The following TFAP4 variants were observed in gnomAD, a reference collection of about 807,000 sequenced individuals.
TFAP4 encodes the protein transcription factor AP-4.
TFAP4 carries 7 observed loss-of-function variants against 40.4 expected under a neutral mutation model. That is an observed-to-expected ratio of 0.17 (90% confidence interval 0.10 to 0.33). The LOEUF is 0.33. TFAP4 is among the 10% of genes least tolerant of loss of function. TFAP4 has a pLI of 1.00. For missense variants in TFAP4, 374 were observed against 451.1 expected, an observed-to-expected ratio of 0.83 and a Z score of 1.55; for synonymous variants, 218 against 181.4, an observed-to-expected ratio of 1.20 and a Z score of -1.62.
Position 4,258,051 on chromosome 16 carries a change from G to T in TFAP4, c.*4C>A, listed in dbSNP as rs777452608. On this transcript the variant is annotated 3_prime_UTR_variant, in exon 7 of 7. Transcript: ENST00000204517. ...CAGAAGGGAGAGGAGGGCTGGGGGG[G>T]TAGTCAGGGAAGCTCCCCGTCCCCC... 1.2e-6 allele frequency: 2 copies of T among 1,609,196 alleles called. No homozygotes were observed. Among genetic ancestry groups the T allele is most frequent in the African/African-American group, 1.3e-5 (1 of 74,842 alleles).
intron 1 of TFAP4, among the ~76,000 whole-genome samples, chr16:4,267,564 T>G (rs1214029997): frequency 2.0e-5 from 3 of 152,220 alleles, no homozygotes; most frequent in Non-Finnish European, 4.4e-5. Flanking sequence ...GGCATGCCCT[T>G]CAAGTCTAGA....
Position 4,260,441 on chromosome 16 carries a change from C to T in TFAP4, c.666+14G>A, listed in dbSNP as rs367575118. The T allele has an allele frequency of 8.0e-5, 125 of 1,565,566 alleles. No individual in the cohort carries two copies. The highest frequency in any genetic ancestry group is 1.0e-4 in the Non-Finnish European group (117 of 1,156,566). ...CCGGTCCCCAGAGCCCACTCCCGGG[C>T]GCCTCCTGCTCACCTGGGTCCGCAG... On this transcript the variant is annotated intron_variant, in intron 5 of 6. Coordinates refer to ENST00000204517, the MANE Select transcript of TFAP4 (RefSeq NM_003223.3).
chr16:4,264,553 C>G (rs1437684096), intron 1 of TFAP4: 1 of 152,290 alleles, frequency 6.6e-6, no homozygotes, highest in African/African-American at 2.4e-5. Flanking sequence ...GCCCGGGCCC[C>G]CCACTTTCCA....
In TFAP4 at chr16:4,257,731, T is replaced by C. The variant is rs2052907719; in HGVS notation, c.*324A>G. On this transcript the variant is annotated 3_prime_UTR_variant, in exon 7 of 7. Transcript: ENST00000204517. ...GGGTTTTGTTTAATTTTCCCTGTTC[T>C]TAAAAAACATATTTAAAGGAAAAAA... The C allele has an allele frequency of 4.0e-6, 1 of 249,304 alleles. No individual in the cohort carries two copies. The highest frequency in any genetic ancestry group is 7.7e-6 in the Non-Finnish European group (1 of 129,720). 15.4% of individuals were successfully genotyped at this position (249,304 alleles called of 1,614,324 possible). A position where few individuals can be genotyped will look rare whatever the true frequency, so the allele number is the denominator to read the frequency against.
intron 2 of TFAP4, 43 bp from the exon 3 acceptor site, chr16:4,262,465 C>G: frequency 6.2e-7 from 1 of 1,613,844 alleles, no homozygotes; most frequent in East Asian, 2.2e-5. Flanking sequence ...GCAGTGTTTA[C>G]CAGAGCTCAC....
intron 1 of TFAP4, chr16:4,266,347 T>A (rs2052995300): frequency 6.6e-6 from 1 of 152,138 alleles, no homozygotes; most frequent in Non-Finnish European, 1.5e-5. Context: ...AGTGCTTAAC[T>A]TAGGTTAAGC....
Position 4,257,756 on chromosome 16 carries a change from A to C in TFAP4, c.*299T>G, listed in dbSNP as rs1199732164. The C allele has an allele frequency of 1.6e-5, 5 of 308,950 alleles. No individual in the cohort carries two copies. Among genetic ancestry groups the C allele is most frequent in the Non-Finnish European group, 2.4e-5 (4 of 168,630 alleles). 19.1% of individuals were successfully genotyped at this position (308,950 alleles called of 1,614,324 possible). ...TTAAAAAACATATTTAAAGGAAAAA[A>C]TGCTTTTTGGCAGAGAGAGGCCAGG... On this transcript the variant is annotated 3_prime_UTR_variant, in exon 7 of 7. Coordinates refer to ENST00000204517, the MANE Select transcript of TFAP4 (RefSeq NM_003223.3).
At position 4,257,802 on chromosome 16, in the gene TFAP4, C is replaced by A; in HGVS notation, c.*253G>T. The A allele has an allele frequency of 2.5e-6, 1 of 406,346 alleles. No individual in the cohort carries two copies. The highest frequency in any genetic ancestry group is 4.4e-6 in the Non-Finnish European group (1 of 228,146). The allele number at this position is 406,346 out of a possible 1,614,324, so 25.2% of individuals were successfully genotyped here. On this transcript the variant is annotated 3_prime_UTR_variant, in exon 7 of 7. Transcript: ENST00000204517. ...CCAGGCATCTCCGTGTCAGCTTCCT[C>A]CAGCCCCCGGGGCCGAGGCCCCGCC...
chr16:4,262,574 T>C lies in TFAP4; in HGVS notation c.217A>G (p.Thr73Ala). 1 of 1,612,416 alleles carries C rather than the reference T, an allele frequency of 6.2e-7. No individual in the cohort carries two copies. The highest frequency in any genetic ancestry group is 8.5e-7 in the Non-Finnish European group (1 of 1,180,002). Reference sequence around the variant, plus strand: ...TCTCCGTCTGTGTGGGGGATGAGGGTCTTGAGGGACTGGAATCCCGCGTTG... The same window carrying C: ...TCTCCGTCTGTGTGGGGGATGAGGGCCTTGAGGGACTGGAATCCCGCGTTG... ...SINAGFQSLK[T>A]LIPHTDGEKL... Residue 73 changes from threonine to alanine, a missense_variant, in exon 2 of 7, where the codon ACC becomes GCC. Thr to Ala is a moderately conservative substitution (Grantham distance 58, BLOSUM62 0). Transcript: ENST00000204517.
Position 4,261,769 on chromosome 16 carries a change from G to A in TFAP4, c.525+10C>T, listed in dbSNP as rs1197792279. The A allele has an allele frequency of 2.5e-6, 4 of 1,594,828 alleles. No individual in the cohort carries two copies. Among genetic ancestry groups the A allele is most frequent in the Admixed American group, 1.7e-5 (1 of 57,644 alleles). On this transcript the variant is annotated intron_variant, in intron 4 of 6. Coordinates refer to ENST00000204517, the MANE Select transcript of TFAP4 (RefSeq NM_003223.3). ...CCGCGCGCCGTGCCCAGCAGAGGGC[G>A]CTGCCTCACCTGCTCCTCCAGCATC...
At chr16:4,260,701 G>A (rs2052940321) in intron 4 of TFAP4, 106 bp from the exon 5 acceptor site, 5 of 1,358,330 alleles carry the variant, frequency 3.7e-6, no homozygotes, top group South Asian at 3.1e-5. Context: ...AGCACAGGGC[G>A]GGCCCCTCTC....
intron 1 of TFAP4, among the ~76,000 whole-genome samples, chr16:4,269,231 C>T (rs1474630677): frequency 6.6e-6 from 1 of 151,730 alleles, no homozygotes; most frequent in African/African-American, 2.4e-5. Context: ...CGGTGGCTCA[C>T]GCCTGTAATC....
At chr16:4,259,949 C>T (rs369282258) in intron 6 of TFAP4, 141 bp downstream of exon 6, 1 of 1,151,258 alleles carries the variant, frequency 8.7e-7, no homozygotes, top group Non-Finnish European at 1.2e-6. Flanking sequence ...GGGACGGGGC[C>T]CCCCAAGGCT....
intron 1 of TFAP4, among the ~76,000 whole-genome samples, chr16:4,267,744 G>A (rs1197741554): frequency 6.6e-6 from 1 of 152,200 alleles, no homozygotes; most frequent in African/African-American, 2.4e-5. Context: ...CACAGTCAAC[G>A]TGGGAAAGTC....
intron 3 of TFAP4, 108 bp downstream of exon 3, chr16:4,262,216 T>C: frequency 7.7e-7 from 1 of 1,304,558 alleles, no homozygotes; most frequent in Non-Finnish European, 1.1e-6. Context: ...TGGAAGTACT[T>C]GTCAGTGGGC....
chr16:4,271,061 C>T (rs1408443789), intron 1 of TFAP4, among the ~76,000 whole-genome samples: 1 of 152,222 alleles, frequency 6.6e-6, no homozygotes, highest in Non-Finnish European at 1.5e-5. Context: ...ATTTTTTTTA[C>T]TTATTATTAC....
At chr16:4,269,334 A>G (rs1264451256) in intron 1 of TFAP4, among the ~76,000 whole-genome samples, 1 of 151,576 alleles carries the variant, frequency 6.6e-6, no homozygotes. Flanking sequence ...TCTAATTAAA[A>G]TACAAAAAAT....
chr16:4,260,403 A>G, intron 5 of TFAP4, 52 bp downstream of exon 5: 1 of 1,526,632 alleles, frequency 6.6e-7, no homozygotes, highest in Non-Finnish European at 8.8e-7. Flanking sequence ...ATTCAAGATC[A>G]CCTGTCCCCT....
intron 1 of TFAP4, 87 bp from the exon 2 acceptor site, chr16:4,262,788 C>T (rs1412073213): frequency 2.0e-6 from 3 of 1,469,066 alleles, no homozygotes; most frequent in Non-Finnish European, 2.8e-6. Flanking sequence ...TGCATCCCTC[C>T]CCTGCTGCAA....
Sources: allele counts gnomAD v4.1 joint callset (sites outside exome capture counted in the v4.1 genomes callset), GRCh38; gene constraint gnomAD v4.1.1; transcripts MANE v1.5; gene names NCBI Gene and HGNC (gene_info 2026-07-23, HGNC 2026-07-21).